FOXP1: variants seen among roughly 807,000 people sequenced by gnomAD.
FOXP1 encodes forkhead box protein P1.
In FOXP1, 15 loss-of-function variants were observed where a neutral mutation model predicts 98.2. The observed-to-expected ratio is 0.15, with a 90% confidence interval of 0.10 to 0.24. FOXP1 has a LOEUF of 0.24. Among genes scored for constraint, FOXP1 ranks in the 10% least tolerant of loss-of-function variants. FOXP1 has a pLI of 1.00. For synonymous variants in FOXP1, 371 were observed against 314.5 expected (o/e 1.18, Z -1.90); for missense variants, 633 against 848.5 (o/e 0.75, Z 3.15).
chr3:71,455,566 G>A (rs1465602337), intron 3 of FOXP1, among the ~76,000 whole-genome samples: 1 of 152,164 alleles, frequency 6.6e-6, no homozygotes, highest in Non-Finnish European at 1.5e-5. Context: ...AATGTTGGAT[G>A]GGGTGGGATT....
chr3:71,569,631 A>C (rs980609623), intron 2 of FOXP1, among the ~76,000 whole-genome samples: 6 of 152,190 alleles, frequency 3.9e-5, no homozygotes. Flanking sequence ...TAGTATATTC[A>C]TATATATACA....
chr3:71,395,424 TC>T (rs1441475897), intron 3 of FOXP1, among the ~76,000 whole-genome samples: 1 of 150,648 alleles, frequency 6.6e-6, no homozygotes. Context: ...CACTGGTTGT[TC>T]CCTAAGTCTG....
chr3:71,552,295 A>T (rs2045838648), intron 2 of FOXP1, among the ~76,000 whole-genome samples: 1 of 152,162 alleles, frequency 6.6e-6, no homozygotes, highest in Non-Finnish European at 1.5e-5. Context: ...AATTTCAAAA[A>T]GATAATCAAA....
chr3:71,388,921 T>G (rs765136709), intron 3 of FOXP1, among the ~76,000 whole-genome samples: 1 of 152,084 alleles, frequency 6.6e-6, no homozygotes, highest in Non-Finnish European at 1.5e-5. Context: ...CCAAGTAGAA[T>G]GGCCTTTTCA....
At chr3:71,533,194 T>C (rs545743353) in intron 2 of FOXP1, among the ~76,000 whole-genome samples, 2 of 152,334 alleles carry the variant, frequency 1.3e-5, no homozygotes, top group East Asian at 1.9e-4. Flanking sequence ...TGCATTATCA[T>C]GGTATGTACA....
At chr3:71,005,384 G>C (rs943219247) in intron 12 of FOXP1, among the ~76,000 whole-genome samples, 11 of 115,198 alleles carry the variant, frequency 9.5e-5, no homozygotes, top group African/African-American at 3.5e-4. Context: ...GGGTATAAGA[G>C]AAAAAAAATA....
rs577417695 is a variant in FOXP1 at position 71,422,893 on chromosome 3, C to T, written c.-167-63649G>A. ...GCGCACACACACACACACTCACACACCCCTTCTTTCATATGGAGAAAACAC... is the reference window on the plus strand; with the variant it reads ...GCGCACACACACACACACTCACACATCCCTTCTTTCATATGGAGAAAACAC... On this transcript the variant is annotated intron_variant, in intron 3 of 20. Coordinates refer to ENST00000649528, the MANE Select transcript of FOXP1 (RefSeq NM_001349338.3). 5.3e-5 allele frequency among the ~76,000 whole-genome samples: 8 copies of T among 152,190 alleles called. No homozygotes were observed. The South Asian group carries it at 1.2e-3, about 24-fold the overall frequency.
chr3:71,577,689 T>TA (rs2047830880), intron 2 of FOXP1, among the ~76,000 whole-genome samples: 1 of 151,932 alleles, frequency 6.6e-6, no homozygotes, highest in Non-Finnish European at 1.5e-5. Context: ...GAAAGATCAT[T>TA]AAAAAAATGC....
In FOXP1 at chr3:71,062,293, C is replaced by T. The variant is rs2051622448; in HGVS notation, c.283-8520G>A. Among the ~76,000 whole-genome samples, 3 of 152,180 alleles carry T rather than the reference C, an allele frequency of 2.0e-5. No homozygotes were observed. The South Asian group carries it at 6.2e-4, about 32-fold the overall frequency. Reference sequence around the variant, plus strand: ...TAATTAAGATCACAGCCTCTAAAATCCCTGTCAAATGAAAATTCAGAGAAG... The same window carrying T: ...TAATTAAGATCACAGCCTCTAAAATTCCTGTCAAATGAAAATTCAGAGAAG... On this transcript the variant is annotated intron_variant, in intron 7 of 20. Coordinates refer to ENST00000649528, the MANE Select transcript of FOXP1 (RefSeq NM_001349338.3).
chr3:71,007,650 A>G (rs2042973557), intron 12 of FOXP1, among the ~76,000 whole-genome samples: 1 of 152,192 alleles, frequency 6.6e-6, no homozygotes, highest in Non-Finnish European at 1.5e-5. Context: ...TTTTCTTAAC[A>G]TGTTCCAAGT....
chr3:71,068,970 G>A (rs993377187), intron 7 of FOXP1, among the ~76,000 whole-genome samples: 1 of 152,322 alleles, frequency 6.6e-6, no homozygotes, highest in Non-Finnish European at 1.5e-5. Context: ...ATTCTGTCTT[G>A]ATTTAAGCAG....
At chr3:70,972,491 C>G in intron 18 of FOXP1, 64 bp downstream of exon 18, 1 of 1,607,698 alleles carries the variant, frequency 6.2e-7, no homozygotes, top group Non-Finnish European at 8.5e-7. Flanking sequence ...CAGCCAAAGC[C>G]TCTACGTTAT....
chr3:71,153,254 T>C (rs1051970060), intron 6 of FOXP1, among the ~76,000 whole-genome samples: 3 of 152,250 alleles, frequency 2.0e-5, no homozygotes, highest in Admixed American at 6.5e-5. Context: ...CTAGTGAATA[T>C]ACCAGCAGGA....
chr3:71,400,726 C>T (rs1442848229), intron 3 of FOXP1, among the ~76,000 whole-genome samples: 3 of 152,108 alleles, frequency 2.0e-5, no homozygotes, highest in Non-Finnish European at 4.4e-5. Context: ...TCAAAAGATG[C>T]TTGGGAAGTA....
chr3:71,574,819 G>A (rs759351986), intron 2 of FOXP1, among the ~76,000 whole-genome samples: 14 of 152,152 alleles, frequency 9.2e-5, no homozygotes, highest in Non-Finnish European at 1.5e-4. Flanking sequence ...GAAAACCACC[G>A]ATGTTCCAGG....
At chr3:71,293,733 AG>A (rs1406260527) in intron 5 of FOXP1, among the ~76,000 whole-genome samples, 1 of 152,182 alleles carries the variant, frequency 6.6e-6, no homozygotes, top group East Asian at 1.9e-4. Flanking sequence ...TTGTTTACAG[AG>A]TAACTTAGTT....
intron 2 of FOXP1, among the ~76,000 whole-genome samples, chr3:71,507,251 G>A (rs943937020): frequency 2.0e-5 from 3 of 152,110 alleles, no homozygotes; most frequent in South Asian, 2.1e-4. Context: ...AACTGACACC[G>A]CCTTTCCAGT....
At chr3:71,010,387 G>C (rs2043412214) in intron 12 of FOXP1, among the ~76,000 whole-genome samples, 1 of 152,084 alleles carries the variant, frequency 6.6e-6, no homozygotes, top group South Asian at 2.1e-4. Context: ...CTGGGCATTA[G>C]TTTCCTTAAC....
intron 6 of FOXP1, among the ~76,000 whole-genome samples, chr3:71,128,308 T>TAAA (rs5849990): frequency 1.9e-4 from 28 of 147,316 alleles, no homozygotes; most frequent in African/African-American, 5.0e-4. Context: ...ACTTGAGAAC[T>TAAA]AAAAAAAAAA....
Sources: allele counts gnomAD v4.1 joint callset (sites outside exome capture counted in the v4.1 genomes callset), GRCh38; gene constraint gnomAD v4.1.1; transcripts MANE v1.5; gene names NCBI Gene and HGNC (gene_info 2026-07-23, HGNC 2026-07-21).